Variants in SIPA1L1 observed in about 807,000 individuals in gnomAD.
The protein encoded by SIPA1L1 is signal-induced proliferation-associated 1-like protein 1.
In SIPA1L1, 26 loss-of-function variants were observed where a neutral mutation model predicts 162.7. The ratio of observed to expected loss-of-function variants is 0.16; its 90% CI spans 0.12 to 0.22. SIPA1L1 has a LOEUF of 0.22. Among genes scored for constraint, SIPA1L1 ranks in the 10% least tolerant of loss-of-function variants. The pLI, the probability that SIPA1L1 is intolerant of heterozygous loss-of-function variation, is 1.00. For synonymous variants in SIPA1L1, 829 were observed against 837.4 expected (o/e 0.99, Z 0.17); for missense variants, 1,874 against 2,241.0 (o/e 0.84, Z 3.31).
intron 2 of SIPA1L1, among the ~76,000 whole-genome samples, chr14:71,371,903 A>G (rs1466666718): frequency 6.6e-6 from 1 of 152,178 alleles, no homozygotes; most frequent in African/African-American, 2.4e-5. Context: ...TAAGTGGCAT[A>G]GTCTAGAGGT....
intron 4 of SIPA1L1, among the ~76,000 whole-genome samples, chr14:71,584,557 A>G (rs183914114): frequency 1.3e-5 from 2 of 152,276 alleles, no homozygotes; most frequent in East Asian, 3.9e-4. Context: ...CATGCTCTGA[A>G]GACACTACAG....
At chr14:71,410,426 A>G (rs907343284) in intron 2 of SIPA1L1, among the ~76,000 whole-genome samples, 2 of 152,248 alleles carry the variant, frequency 1.3e-5, no homozygotes, top group Admixed American at 6.5e-5. Context: ...GTCAGCTCAC[A>G]TACATATTTG....
chr14:71,544,918 A>G (rs2055042186), intron 4 of SIPA1L1, among the ~76,000 whole-genome samples: 2 of 152,198 alleles, frequency 1.3e-5, no homozygotes, highest in Non-Finnish European at 2.9e-5. Flanking sequence ...AGAGATGTGC[A>G]GTGGCATGAT....
chr14:71,643,987 T>A lies in SIPA1L1; in HGVS notation c.1819-6348T>A, dbSNP rs529738500. On this transcript the variant is annotated intron_variant, in intron 7 of 23. Transcript: ENST00000381232. The stretch of plus-strand genomic sequence containing the variant: ...CACGCCCAGCTAAATTTTGTATTTT[T>A]AGTAGAGACGGGATTTCACCATGTT... Among the ~76,000 whole-genome samples, 14 of 152,256 alleles carry A rather than the reference T, an allele frequency of 9.2e-5. No homozygotes were observed. In the East Asian group the frequency reaches 2.7e-3, roughly 29 times the overall value.
chr14:71,563,476 G>GT (rs2056953048), intron 4 of SIPA1L1, among the ~76,000 whole-genome samples: 1 of 151,988 alleles, frequency 6.6e-6, no homozygotes, highest in Non-Finnish European at 1.5e-5. Context: ...TTACTAAGGT[G>GT]TTTTTTAAAA....
chr14:71,689,681 T>C (rs1863744570), intron 13 of SIPA1L1, among the ~76,000 whole-genome samples: 1 of 152,232 alleles, frequency 6.6e-6, no homozygotes, highest in African/African-American at 2.4e-5. Context: ...CCAGCCTTTA[T>C]GTAAATATTT....
intron 4 of SIPA1L1, among the ~76,000 whole-genome samples, chr14:71,581,860 T>C (rs1335400406): frequency 6.6e-6 from 1 of 152,212 alleles, no homozygotes; most frequent in Non-Finnish European, 1.5e-5. Flanking sequence ...TGTTTCACTT[T>C]TACCTTTCTA....
intron 15 of SIPA1L1, among the ~76,000 whole-genome samples, chr14:71,703,640 T>C (rs1354686350): frequency 6.6e-6 from 1 of 152,244 alleles, no homozygotes; most frequent in Admixed American, 6.5e-5. Context: ...CCCATATGTT[T>C]TGATACTGTT....
chr14:71,725,895 A>G (rs562736063), intron 19 of SIPA1L1, among the ~76,000 whole-genome samples: 3 of 152,322 alleles, frequency 2.0e-5, no homozygotes, highest in Non-Finnish European at 4.4e-5. Context: ...TGAGAATTGA[A>G]TTGATTGAAA....
intron 6 of SIPA1L1, among the ~76,000 whole-genome samples, chr14:71,622,624 G>C (rs1488492999): frequency 2.6e-5 from 4 of 152,132 alleles, no homozygotes; most frequent in African/African-American, 9.7e-5. Flanking sequence ...AAAACTATTT[G>C]TGTCAAATTA....
chr14:71,658,826 T>G (rs1233571584), intron 9 of SIPA1L1, among the ~76,000 whole-genome samples: 1 of 152,214 alleles, frequency 6.6e-6, no homozygotes, highest in East Asian at 1.9e-4. Context: ...GAGGTTGCAT[T>G]ATAGATTTCA....
At position 71,681,588 on chromosome 14, in the gene SIPA1L1, G is replaced by T. The variant is rs77134460; in HGVS notation, c.3105-3774G>T. On this transcript the variant is annotated intron_variant, in intron 12 of 23. Transcript: ENST00000381232. ...AGCATACTGCTTTAGAGTGAAGAGGGCAATTAGAAATCATGTGGTTCAGAT... is the reference window on the plus strand; with the variant it reads ...AGCATACTGCTTTAGAGTGAAGAGGTCAATTAGAAATCATGTGGTTCAGAT... Among the ~76,000 whole-genome samples the T allele has an allele frequency of 1.2e-4, 19 of 152,266 alleles. No individual in the cohort carries two copies. In the East Asian group the frequency reaches 2.3e-3, roughly 19 times the overall value.
At chr14:71,736,490 G>A in intron 22 of SIPA1L1, among the ~76,000 whole-genome samples, 1 of 152,222 alleles carries the variant, frequency 6.6e-6, no homozygotes. Flanking sequence ...GCCAATTGAA[G>A]TAAATGGCAC....
intron 11 of SIPA1L1, among the ~76,000 whole-genome samples, chr14:71,672,061 C>G (rs2149376628): frequency 6.6e-6 from 1 of 152,236 alleles, no homozygotes; most frequent in Middle Eastern, 3.4e-3. Flanking sequence ...TTTACAAAGG[C>G]TAAATGAGTA....
chr14:71,463,254 C>G (rs1405789416), intron 2 of SIPA1L1, among the ~76,000 whole-genome samples: 2 of 152,190 alleles, frequency 1.3e-5, no homozygotes, highest in African/African-American at 4.8e-5. Flanking sequence ...AGCCCTCACC[C>G]TACCAGTCAG....
At chr14:71,605,134 T>C (rs947106178) in intron 5 of SIPA1L1, among the ~76,000 whole-genome samples, 1 of 152,154 alleles carries the variant, frequency 6.6e-6, no homozygotes. Flanking sequence ...CGTCAAGTAC[T>C]GAGGTTCTTT....
intron 3 of SIPA1L1, among the ~76,000 whole-genome samples, chr14:71,525,328 G>C (rs535199397): frequency 2.0e-5 from 3 of 152,136 alleles, no homozygotes; most frequent in Admixed American, 2.0e-4. Flanking sequence ...GACTACAGGT[G>C]CCTGCCACCA....
At position 71,739,434 on chromosome 14, in the gene SIPA1L1, A is replaced by G. The variant is rs527605368; in HGVS notation, c.*273A>G. 4.7e-6 allele frequency: 1 copy of G among 210,806 alleles called. No individual in the cohort carries two copies. Among genetic ancestry groups the G allele is most frequent in the South Asian group, 1.8e-4 (1 of 5,498 alleles). 13.1% of individuals were successfully genotyped at this position (210,806 alleles called of 1,614,324 possible). On this transcript the variant is annotated 3_prime_UTR_variant, in exon 24 of 24. Transcript: ENST00000381232. ...GAATGTCTTTATTTTTTTGCACAAT[A>G]TCTTTATCTGTTATGTATTTAAGAA...
chr14:71,495,398 A>G (rs1429594041), intron 2 of SIPA1L1, among the ~76,000 whole-genome samples: 2 of 151,416 alleles, frequency 1.3e-5, no homozygotes, highest in African/African-American at 4.8e-5. Flanking sequence ...GTCTAATTTG[A>G]TGGCATACTG....
Sources: gnomAD v4.1 joint callset for allele counts (sites outside exome capture counted in the v4.1 genomes callset) on GRCh38, gnomAD v4.1.1 for gene constraint, MANE v1.5 for transcripts, NCBI Gene and HGNC (gene_info 2026-07-23, HGNC 2026-07-21) for gene names.